The following CPA6 variants were observed in gnomAD, a reference collection of about 807,000 sequenced individuals.
CPA6 encodes carboxypeptidase A6, also known as carboxypeptidase B.
A neutral mutation model predicts 63.3 loss-of-function variants in CPA6; 58 were observed. That is an observed-to-expected ratio of 0.92 (90% CI 0.74 to 1.14). The LOEUF (loss-of-function observed/expected upper bound fraction) is 1.14. Ranked by LOEUF, CPA6 falls within the 50% of genes most tolerant of loss-of-function variation. The pLI is 0.00. For synonymous variants in CPA6, 185 were observed against 179.0 expected (o/e 1.03, Z -0.27); for missense variants, 565 against 526.6 (o/e 1.07, Z -0.71).
At chr8:67,719,979 G>A (rs1477593659) in intron 1 of CPA6, among the ~76,000 whole-genome samples, 7 of 152,076 alleles carry the variant, frequency 4.6e-5, no homozygotes, top group South Asian at 2.1e-4. Context: ...ATGCGCGTCC[G>A]TGTGAAGAGA....
Position 67,611,103 on chromosome 8 carries a change from G to C in CPA6, c.192+13073C>G, listed in dbSNP as rs532450786. 2.1e-5 allele frequency among the ~76,000 whole-genome samples: 3 copies of C among 144,474 alleles called. No homozygotes were observed. The East Asian group carries it at 6.1e-4, about 29-fold the overall frequency. The allele number at this position is 144,474 out of a possible 152,430, so 94.8% of individuals were successfully genotyped here. ...TTCACTCCTTCTTTTTTTTTTTTGA[G>C]ATGGAGTATTGCTCTGTCGCCTGGG... On this transcript the variant is annotated intron_variant, in intron 2 of 10. Transcript: ENST00000297770.
chr8:67,727,423 TG>T, intron 1 of CPA6, among the ~76,000 whole-genome samples: 1 of 152,296 alleles, frequency 6.6e-6, no homozygotes, highest in African/African-American at 2.4e-5. Context: ...AACCTTCTCT[TG>T]TCTGCAGTTC....
intron 4 of CPA6, among the ~76,000 whole-genome samples, chr8:67,510,638 T>C (rs925382926): frequency 2.6e-5 from 4 of 152,192 alleles, no homozygotes; most frequent in Non-Finnish European, 4.4e-5. Context: ...GTCTTAAGAA[T>C]AGAGCAGCAT....
intron 1 of CPA6, among the ~76,000 whole-genome samples, chr8:67,637,778 A>G (rs1815503306): frequency 6.6e-6 from 1 of 151,504 alleles, no homozygotes; most frequent in African/African-American, 2.5e-5. Flanking sequence ...TCAGAGAAAA[A>G]CACATGAAAA....
At chr8:67,561,916 T>C (rs1344518503) in intron 2 of CPA6, among the ~76,000 whole-genome samples, 1 of 152,222 alleles carries the variant, frequency 6.6e-6, no homozygotes, top group Non-Finnish European at 1.5e-5. Context: ...CCATTTACTA[T>C]TCTGCTTCTA....
intron 2 of CPA6, among the ~76,000 whole-genome samples, chr8:67,590,500 C>A (rs1447917178): frequency 1.3e-5 from 2 of 151,082 alleles, no homozygotes. Context: ...GTTTACGGTC[C>A]CACCAACAGT....
At position 67,428,134 on chromosome 8, in the gene CPA6, A is replaced by G. The variant is rs1809936663; in HGVS notation, c.1042-3T>C. The G allele has an allele frequency of 1.3e-6, 2 of 1,593,228 alleles. No individual in the cohort carries two copies. Among genetic ancestry groups the G allele is most frequent in the African/African-American group, 1.3e-5 (1 of 74,536 alleles). ...ACAGCTTTATAAGCTGCAGATTCCTATGAGGGAAAATGGGGAAATTTTATA... is the reference window on the plus strand; with the variant it reads ...ACAGCTTTATAAGCTGCAGATTCCTGTGAGGGAAAATGGGGAAATTTTATA... On this transcript the variant is annotated splice_region_variant and splice_polypyrimidine_tract_variant and intron_variant, in intron 9 of 10. Transcript: ENST00000297770.
At position 67,448,289 on chromosome 8, in the gene CPA6, C is replaced by A. The variant is rs1477708019; in HGVS notation, c.839-14049G>T. Among the ~76,000 whole-genome samples the A allele has an allele frequency of 3.9e-5, 6 of 152,102 alleles. No homozygotes were observed. In the East Asian group the frequency reaches 5.8e-4, roughly 15 times the overall value. On this transcript the variant is annotated intron_variant, in intron 8 of 10. Coordinates refer to ENST00000297770, the MANE Select transcript of CPA6 (RefSeq NM_020361.5). ...AATTTGTTTATTCAATCATTTATGG[C>A]AACTTTATCATTTTAGACATTTTAA...
chr8:67,491,097 G>A (rs1396339690), intron 6 of CPA6, among the ~76,000 whole-genome samples: 2 of 152,036 alleles, frequency 1.3e-5, no homozygotes, highest in Non-Finnish European at 2.9e-5. Flanking sequence ...CAACTGGACG[G>A]GACAGGAATA....
At chr8:67,449,773 C>G (rs1378994293) in intron 8 of CPA6, among the ~76,000 whole-genome samples, 3 of 150,962 alleles carry the variant, frequency 2.0e-5, no homozygotes, top group Non-Finnish European at 4.4e-5. Flanking sequence ...CCACCTCCAT[C>G]AAATGCAATC....
At chr8:67,484,362 G>A (rs1811429227) in intron 7 of CPA6, among the ~76,000 whole-genome samples, 1 of 152,106 alleles carries the variant, frequency 6.6e-6, no homozygotes, top group Non-Finnish European at 1.5e-5. Flanking sequence ...TTGAGCCACC[G>A]CGCCCGGCCT....
intron 1 of CPA6, among the ~76,000 whole-genome samples, chr8:67,689,912 T>C: frequency 6.6e-6 from 1 of 152,230 alleles, no homozygotes; most frequent in East Asian, 1.9e-4. Context: ...AGCATTCCCT[T>C]TTCTCTACAG....
chr8:67,641,724 G>A (rs148187124), intron 1 of CPA6, among the ~76,000 whole-genome samples: 30 of 152,118 alleles, frequency 2.0e-4, no homozygotes, highest in African/African-American at 6.7e-4. Context: ...TAGAATTAGT[G>A]TAAATAAGAA....
intron 2 of CPA6, among the ~76,000 whole-genome samples, chr8:67,555,793 G>A (rs1188888660): frequency 2.6e-5 from 4 of 152,128 alleles, no homozygotes; most frequent in Non-Finnish European, 4.4e-5. Context: ...ACAAGCAGCT[G>A]GTGTTAGAGA....
intron 8 of CPA6, among the ~76,000 whole-genome samples, chr8:67,475,924 TTCTTTCTTTC>T (rs746447692): frequency 0.075 from 6,911 of 92,530 alleles, 528 homozygotes; most frequent in African/African-American, 0.15. Context: ...CTTTCTTTCT[TTCTTTCTTTC>T]TCTTTCTTTC....
chr8:67,668,402 TCTA>T (rs1816276429), intron 1 of CPA6, among the ~76,000 whole-genome samples: 1 of 152,246 alleles, frequency 6.6e-6, no homozygotes. Context: ...CAGGCAGTTC[TCTA>T]CTGCTTTGCT....
At chr8:67,626,871 T>C (rs1029595780) in intron 1 of CPA6, among the ~76,000 whole-genome samples, 6 of 152,002 alleles carry the variant, frequency 3.9e-5, no homozygotes, top group African/African-American at 1.5e-4. Flanking sequence ...GAATAACTTT[T>C]TTTTTTTTTT....
chr8:67,482,987 T>C (rs1811391040), intron 8 of CPA6, among the ~76,000 whole-genome samples: 1 of 152,162 alleles, frequency 6.6e-6, no homozygotes, highest in East Asian at 1.9e-4. Flanking sequence ...CTAACCCTCA[T>C]TGTAGAATGA....
rs982947234 is a variant in CPA6, at chr8:67,537,935, C to T, written c.193-19888G>A. Among the ~76,000 whole-genome samples the T allele has an allele frequency of 1.8e-4, 27 of 152,222 alleles. No individual in the cohort carries two copies. The South Asian group carries it at 2.1e-3, about 12-fold the overall frequency. Reference sequence around the variant, plus strand: ...AACTTATTTATTTCTGCCTTAATTTCGTTATTTACCCGTAGTCATTCAGAA... The same window carrying T: ...AACTTATTTATTTCTGCCTTAATTTTGTTATTTACCCGTAGTCATTCAGAA... On this transcript the variant is annotated intron_variant, in intron 2 of 10. Transcript: ENST00000297770.
Sources: allele counts gnomAD v4.1 joint callset (sites outside exome capture counted in the v4.1 genomes callset), GRCh38; gene constraint gnomAD v4.1.1; transcripts MANE v1.5; gene names NCBI Gene and HGNC (gene_info 2026-07-23, HGNC 2026-07-21).